Variants in RASA3 observed in about 807,000 individuals in gnomAD.
RASA3 encodes ras GTPase-activating protein 3.
Under a neutral mutation model 110.0 loss-of-function variants are expected in RASA3, and 73 were observed. That is an observed-to-expected ratio of 0.66 (90% confidence interval 0.55 to 0.81). The LOEUF is 0.81. Ranked by LOEUF, RASA3 falls within the 30% of genes least tolerant of loss-of-function variation. The probability of loss-of-function intolerance (pLI) is 0.00; values close to 1 mark genes in which losing one functional copy is unlikely to be tolerated. For missense variants in RASA3, 976 were observed against 1,113.2 expected, an observed-to-expected ratio of 0.88 and a Z score of 1.75; for synonymous variants, 500 against 451.4, an observed-to-expected ratio of 1.11 and a Z score of -1.37.
chr13:114,103,118 C>T (rs1044614917), intron 1 of RASA3, among the ~76,000 whole-genome samples: 6 of 152,184 alleles, frequency 3.9e-5, no homozygotes, highest in African/African-American at 1.2e-4. Context: ...GGCCAATGGC[C>T]GTGACTGTTG....
At chr13:114,072,815 A>C (rs1423531208) in intron 2 of RASA3, among the ~76,000 whole-genome samples, 1 of 152,150 alleles carries the variant, frequency 6.6e-6, no homozygotes, top group Admixed American at 6.5e-5. Context: ...CATACAGAAA[A>C]ATTCTCTACA....
At chr13:114,020,912 C>T (rs185935053) in intron 9 of RASA3, among the ~76,000 whole-genome samples, 7 of 152,354 alleles carry the variant, frequency 4.6e-5, no homozygotes, top group Non-Finnish European at 1.0e-4. Flanking sequence ...GGCTCCTGCA[C>T]CGGCTGCTGA....
intron 4 of RASA3, among the ~76,000 whole-genome samples, chr13:114,030,345 A>AGCTCACACAGAGGGCAAG (rs1208548960): frequency 1.8e-4 from 23 of 127,504 alleles, no homozygotes; most frequent in African/African-American, 6.1e-4. Context: ...AACCTCGGAG[A>AGCTCACACAGAGGGCAAG]GCTCACACAG....
At chr13:114,055,511 G>C (rs1201935682) in intron 2 of RASA3, among the ~76,000 whole-genome samples, 1 of 152,234 alleles carries the variant, frequency 6.6e-6, no homozygotes, top group Non-Finnish European at 1.5e-5. Flanking sequence ...AGGGACACCA[G>C]ACGTGCATTT....
At position 114,040,708 on chromosome 13, in the gene RASA3, C is replaced by T. The variant is rs113130895; in HGVS notation, c.372+292G>A. Among the ~76,000 whole-genome samples, 18,017 of 123,228 alleles carry T rather than the reference C, an allele frequency of 0.15. 2,570 individuals are homozygous for T. The highest frequency in any genetic ancestry group is 0.2 in the East Asian group (745 of 3,750). The allele number at this position is 123,228 out of a possible 152,430, so 80.8% of individuals were successfully genotyped here. A position where few individuals can be genotyped will look rare whatever the true frequency, so the allele number is the denominator to read the frequency against. ...ACACGCACAACCCAAAATCCACACG[C>T]GGAGCCCGCGCTCACTCCGAGCACA... On this transcript the variant is annotated intron_variant, in intron 4 of 23. Coordinates refer to ENST00000334062, the MANE Select transcript of RASA3 (RefSeq NM_007368.4).
intron 1 of RASA3, among the ~76,000 whole-genome samples, chr13:114,103,190 C>T (rs1016033858): frequency 2.6e-5 from 4 of 152,144 alleles, no homozygotes; most frequent in Admixed American, 2.6e-4. Flanking sequence ...TAGAGGGTCT[C>T]CCCCAAGTCC....
intron 22 of RASA3, among the ~76,000 whole-genome samples, chr13:113,990,493 G>A (rs1409824666): frequency 2.0e-5 from 3 of 152,202 alleles, no homozygotes; most frequent in African/African-American, 4.8e-5. Context: ...CACCCTCTCC[G>A]AGGCTCCCTG....
Position 114,007,424 on chromosome 13 carries a change from C to CCG in RASA3, c.1742+108_1742+109insCG, listed in dbSNP as rs1370045300. On this transcript the variant is annotated intron_variant, in intron 18 of 23. Transcript: ENST00000334062. ...GCTGGACGCCACCTTACCCTTCTCC[C>CCG]CTCCTGCCCTGCCGGACACCACCTT... 3 of 393,156 alleles carry CCG rather than the reference C, an allele frequency of 7.6e-6. 1 individual carries two copies. Among genetic ancestry groups the CCG allele is most frequent in the Non-Finnish European group, 1.3e-5 (3 of 232,190 alleles). 24.4% of individuals were successfully genotyped at this position (393,156 alleles called of 1,614,324 possible).
intron 23 of RASA3, among the ~76,000 whole-genome samples, chr13:113,980,002 CGT>C (rs942933731): frequency 2.1e-5 from 3 of 145,304 alleles, no homozygotes; most frequent in Non-Finnish European, 3.0e-5. Flanking sequence ...TGCACCCCTC[CGT>C]GTGTACACCT....
intron 1 of RASA3, among the ~76,000 whole-genome samples, chr13:114,109,220 C>A (rs188261322): frequency 2.6e-3 from 393 of 152,364 alleles, no homozygotes; most frequent in African/African-American, 9.0e-3. Flanking sequence ...CAGTCCACGC[C>A]TCTGGTGCCA....
chr13:114,003,330 T>C (rs1594302406), intron 18 of RASA3, among the ~76,000 whole-genome samples: 1 of 151,830 alleles, frequency 6.6e-6, no homozygotes, highest in Non-Finnish European at 1.5e-5. Context: ...CTCTGGCTGG[T>C]GGCACCTGGG....
intron 14 of RASA3, among the ~76,000 whole-genome samples, chr13:114,013,567 C>A (rs537002550): frequency 8.9e-6 from 1 of 112,258 alleles, no homozygotes. Context: ...TGTCTCTCTC[C>A]CTATCTCTGT....
At chr13:114,071,451 C>T (rs1428701363) in intron 2 of RASA3, among the ~76,000 whole-genome samples, 1 of 152,198 alleles carries the variant, frequency 6.6e-6, no homozygotes. Flanking sequence ...CAGTAATTCT[C>T]CAGGCCCACA....
intron 3 of RASA3, among the ~76,000 whole-genome samples, chr13:114,046,489 C>T (rs911388123): frequency 5.3e-5 from 8 of 152,188 alleles, no homozygotes; most frequent in African/African-American, 1.9e-4. Context: ...CTTATTTATC[C>T]TCACTTTTAA....
chr13:114,074,343 C>A (rs2079630628), intron 1 of RASA3, among the ~76,000 whole-genome samples: 1 of 152,192 alleles, frequency 6.6e-6, no homozygotes. Context: ...GATCTGACTA[C>A]TCTGGGGCCT....
intron 18 of RASA3, 142 bp from the exon 19 acceptor site, chr13:114,001,074 A>T: frequency 1.6e-6 from 1 of 634,840 alleles, no homozygotes; most frequent in Non-Finnish European, 2.8e-6. Context: ...ACTCCGAGTG[A>T]TGAGATTAAA....
In RASA3 at chr13:114,014,063, CCT is replaced by C. The variant is rs1447645593; in HGVS notation, c.1406-817_1406-816del. Among the ~76,000 whole-genome samples, 9 of 107,640 alleles carry C rather than the reference CCT, an allele frequency of 8.4e-5. No homozygotes were observed. The Admixed American group carries it at 8.4e-4, about 10-fold the overall frequency. The allele number at this position is 107,640 out of a possible 152,430, so 70.6% of individuals were successfully genotyped here. A position where few individuals can be genotyped will look rare whatever the true frequency, so the allele number is the denominator to read the frequency against. On this transcript the variant is annotated intron_variant, in intron 14 of 23. Transcript: ENST00000334062. This position sits in a 1 kb window ranked among gnomAD's most constrained non-coding sequence, Gnocchi z 4.5. ...CTATCTCTCTCTCCGTCTGTCTCTG[CCT>C]CTCTCTCCGTCTGTCTCTGCCTCTC... is the stretch of plus-strand genomic sequence containing the variant.
chr13:113,988,869 GGTCCATCTGCCCATCACTCACCCATCT>G (rs2053030430), intron 22 of RASA3, among the ~76,000 whole-genome samples: 1 of 118,948 alleles, frequency 8.4e-6, no homozygotes, highest in Admixed American at 8.6e-5. Context: ...GTCACCCATT[GGTCCATCTGCCCATCACTCACCCATCT>G]GTCCATCCAC....
chr13:114,049,306 A>C (rs1266648786), intron 3 of RASA3, among the ~76,000 whole-genome samples: 1 of 152,158 alleles, frequency 6.6e-6, no homozygotes, highest in Non-Finnish European at 1.5e-5. Flanking sequence ...CATCATAAAG[A>C]TAAATCGTTA....
Sources: gnomAD v4.1 joint callset for allele counts (sites outside exome capture counted in the v4.1 genomes callset) on GRCh38, gnomAD v4.1.1 for gene constraint, Gnocchi (gnomAD v3.1) non-coding constraint, MANE v1.5 for transcripts, NCBI Gene and HGNC (gene_info 2026-07-23, HGNC 2026-07-21) for gene names.